The following RBFOX3 variants were observed in gnomAD, a reference collection of about 807,000 sequenced individuals.
RBFOX3 encodes RNA binding fox-1 homolog 3.
Under a neutral mutation model 48.7 loss-of-function variants are expected in RBFOX3, and 17 were observed. That is an observed-to-expected ratio of 0.35 (90% confidence interval 0.24 to 0.52). The LOEUF (loss-of-function observed/expected upper bound fraction) is 0.52. RBFOX3 is among the 20% of genes least tolerant of loss of function. The probability of loss-of-function intolerance (pLI) is 0.94; values close to 1 mark genes in which losing one functional copy is unlikely to be tolerated. For missense variants in RBFOX3, 382 were observed against 497.5 expected (o/e 0.77, Z 2.21); for synonymous variants, 212 against 209.5 (o/e 1.01, Z -0.10).
intron 3 of RBFOX3, among the ~76,000 whole-genome samples, chr17:79,294,646 A>C (rs1402473463): frequency 2.0e-5 from 3 of 152,134 alleles, no homozygotes; most frequent in Non-Finnish European, 2.9e-5. Flanking sequence ...GGAATGGGGG[A>C]AGGCAGGAGT....
intron 1 of RBFOX3, among the ~76,000 whole-genome samples, chr17:79,527,900 T>C (rs2087012150): frequency 1.3e-5 from 2 of 151,962 alleles, no homozygotes; most frequent in East Asian, 3.9e-4. Flanking sequence ...GCCGATGGAG[T>C]CCTTGCCCTC....
intron 1 of RBFOX3, among the ~76,000 whole-genome samples, chr17:79,547,327 C>T (rs908579136): frequency 2.0e-5 from 3 of 152,028 alleles, no homozygotes; most frequent in African/African-American, 7.2e-5. Context: ...TGGTGGCGCA[C>T]GCCTGTAATC....
chr17:79,479,394 A>G lies in RBFOX3; in HGVS notation c.-175+3060T>C, dbSNP rs1366870936. The stretch of plus-strand genomic sequence containing the variant: ...ACCATCCTGAAGGTGAATAAAAGAC[A>G]GGCAGAGATTCAAAGCCACACGCAG... On this transcript the variant is annotated intron_variant, in intron 2 of 14. Coordinates refer to ENST00000693108, the MANE Select transcript of RBFOX3 (RefSeq NM_001350451.2). The surrounding 1 kb of genome is among the most constrained non-coding windows in gnomAD (Gnocchi z 5.1). Among the ~76,000 whole-genome samples the G allele has an allele frequency of 6.6e-6, 1 of 152,192 alleles. No individual in the cohort carries two copies. The highest frequency in any genetic ancestry group is 1.5e-5 in the Non-Finnish European group (1 of 68,024).
chr17:79,158,459 A>G (rs2145190161), intron 4 of RBFOX3, among the ~76,000 whole-genome samples: 1 of 152,276 alleles, frequency 6.6e-6, no homozygotes, highest in East Asian at 1.9e-4. Flanking sequence ...GGGGCACTGC[A>G]AACCTGCTCC....
intron 2 of RBFOX3, among the ~76,000 whole-genome samples, chr17:79,436,230 T>G (rs1367026378): frequency 6.6e-6 from 1 of 152,218 alleles, no homozygotes; most frequent in African/African-American, 2.4e-5. Context: ...ACAGGATGCC[T>G]GGCTTGGGTG....
chr17:79,530,709 G>A (rs1452712380), intron 1 of RBFOX3, among the ~76,000 whole-genome samples: 1 of 152,204 alleles, frequency 6.6e-6, no homozygotes, highest in Non-Finnish European at 1.5e-5. Flanking sequence ...TAGGGCTGCA[G>A]AAACCATGAA....
intron 2 of RBFOX3, among the ~76,000 whole-genome samples, chr17:79,383,349 G>A (rs1204459068): frequency 6.6e-6 from 1 of 152,246 alleles, no homozygotes; most frequent in African/African-American, 2.4e-5. Context: ...CCAAGAAGGT[G>A]CAAAGGCACC....
rs1202104594 is a variant in RBFOX3, at chr17:79,477,549, C to G, written c.-175+4905G>C. On this transcript the variant is annotated intron_variant, in intron 2 of 14. Coordinates refer to ENST00000693108, the MANE Select transcript of RBFOX3 (RefSeq NM_001350451.2). This position sits in a 1 kb window ranked among gnomAD's most constrained non-coding sequence, Gnocchi z 4.8. The stretch of plus-strand genomic sequence containing the variant: ...CCAGCCTGGGCGACAGAGCGAAACT[C>G]CGTCACCGGAAAAAAAAAAAGAGGA... Among the ~76,000 whole-genome samples the G allele has an allele frequency of 6.9e-6, 1 of 145,272 alleles. No individual in the cohort carries two copies. Among genetic ancestry groups the G allele is most frequent in the African/African-American group, 2.5e-5 (1 of 40,008 alleles).
chr17:79,292,612 A>ACACACACACACG (rs1567988425), intron 3 of RBFOX3, among the ~76,000 whole-genome samples: 388 of 68,834 alleles, frequency 5.6e-3, no homozygotes, highest in African/African-American at 0.021. Flanking sequence ...ACACACACAC[A>ACACACACACACG]CACATACATG....
At chr17:79,641,631 GA>G in the RBFOX3 span, among the ~76,000 whole-genome samples, 1 of 152,180 alleles carries the variant, frequency 6.6e-6, no homozygotes, top group Non-Finnish European at 1.5e-5. Context: ...TTAAAAAGAA[GA>G]AAATCCTGCC....
the RBFOX3 span, among the ~76,000 whole-genome samples, chr17:79,641,397 T>C: frequency 6.6e-6 from 1 of 152,144 alleles, no homozygotes; most frequent in African/African-American, 2.4e-5. Flanking sequence ...TATGGAGTCC[T>C]TAAAAATTAA....
intron 1 of RBFOX3, among the ~76,000 whole-genome samples, chr17:79,551,853 A>G (rs1375336635): frequency 2.0e-5 from 3 of 152,310 alleles, no homozygotes; most frequent in Admixed American, 2.0e-4. Context: ...ACTACGCTTC[A>G]TGTACAGCCT....
At chr17:79,325,226 C>G (rs2079122313) in intron 2 of RBFOX3, among the ~76,000 whole-genome samples, 1 of 152,204 alleles carries the variant, frequency 6.6e-6, no homozygotes, top group African/African-American at 2.4e-5. Context: ...CTTTGCATCC[C>G]CAGCCCCCTG....
At chr17:79,163,476 C>A (rs973159633) in intron 4 of RBFOX3, among the ~76,000 whole-genome samples, 1 of 152,252 alleles carries the variant, frequency 6.6e-6, no homozygotes, top group African/African-American at 2.4e-5. Flanking sequence ...GCCCCAGACC[C>A]TTCTGGTTTG....
rs1418386171 is a variant in RBFOX3, at chr17:79,214,562, G to GA, written c.-34+21203_-34+21204insT. Among the ~76,000 whole-genome samples, 1 of 149,832 alleles carries GA rather than the reference G, an allele frequency of 6.7e-6. No homozygotes were observed. The highest frequency in any genetic ancestry group is 2.5e-5 in the African/African-American group (1 of 39,984). On this transcript the variant is annotated intron_variant, in intron 4 of 14. Coordinates refer to ENST00000693108, the MANE Select transcript of RBFOX3 (RefSeq NM_001350451.2). This position sits in a 1 kb window ranked among gnomAD's most constrained non-coding sequence, Gnocchi z 4.7. ...GGCAGGCCAAGTGGGAGGGATGTCT[G>GA]GGGGGGGTCTCGGAGGAAGCAGGAA...
chr17:79,613,163 A>G (rs2093981479), upstream of RBFOX3, among the ~76,000 whole-genome samples: 1 of 152,240 alleles, frequency 6.6e-6, no homozygotes, highest in African/African-American at 2.4e-5. Flanking sequence ...ACGTTCTGGA[A>G]GAGCTCTCTG....
chr17:79,358,548 C>T (rs2085666188), intron 2 of RBFOX3, among the ~76,000 whole-genome samples: 2 of 152,148 alleles, frequency 1.3e-5, no homozygotes, highest in South Asian at 2.1e-4. Flanking sequence ...GCAACCTCTA[C>T]CTCCCGGGTT....
intron 2 of RBFOX3, among the ~76,000 whole-genome samples, chr17:79,378,831 G>C (rs548710584): frequency 6.6e-6 from 1 of 152,354 alleles, no homozygotes; most frequent in South Asian, 2.1e-4. Flanking sequence ...CCACTGAAAG[G>C]CTGGCAGGGA....
chr17:79,258,503 C>T (rs1473830845), intron 3 of RBFOX3, among the ~76,000 whole-genome samples: 3 of 152,174 alleles, frequency 2.0e-5, no homozygotes, highest in Non-Finnish European at 4.4e-5. Flanking sequence ...GCCCTTCCCA[C>T]GGGGGTCCCT....
Sources: gnomAD v4.1 joint callset for allele counts (sites outside exome capture counted in the v4.1 genomes callset) on GRCh38, gnomAD v4.1.1 for gene constraint, Gnocchi (gnomAD v3.1) non-coding constraint, MANE v1.5 for transcripts, NCBI Gene and HGNC (gene_info 2026-07-23, HGNC 2026-07-21) for gene names.